Variants in SEMA7A observed in about 807,000 individuals in gnomAD.
The protein encoded by SEMA7A is semaphorin-7A.
A neutral mutation model predicts 67.5 loss-of-function variants in SEMA7A; 21 were observed. The ratio of observed to expected loss-of-function variants is 0.31; its 90% CI spans 0.22 to 0.45. The LOEUF (loss-of-function observed/expected upper bound fraction) is 0.45, where lower values mean the gene tolerates loss of function less well. Among genes scored for constraint, SEMA7A ranks in the 20% least tolerant of loss-of-function variants. The pLI is 1.00. For missense variants in SEMA7A, 774 were observed against 908.6 expected (o/e 0.85, Z 1.90); for synonymous variants, 364 against 368.5 (o/e 0.99, Z 0.14).
rs763297947 is a variant in SEMA7A, at chr15:74,416,648, A to T, written c.728T>A (p.Phe243Tyr). 3.1e-5 allele frequency: 50 copies of T among 1,613,942 alleles called. No individual in the cohort carries two copies. The highest frequency in any genetic ancestry group is 4.1e-5 in the Non-Finnish European group (48 of 1,179,968). ...CTTGTCAGGATTGTCCTCTCGGAAG[A>T]AGTAGTAGATCTTGTCATCGTAAGC... Reference protein sequence around the residue: ...DQAYDDKIYYFFREDNPDKNP... With the variant: ...DQAYDDKIYYYFREDNPDKNP... Residue 243 changes from phenylalanine (F) to tyrosine (Y), a missense_variant, in exon 7 of 14, where the codon TTC becomes TAC. Physicochemically the swap from Phe to Tyr is conservative, Grantham distance 22. Transcript: ENST00000261918.
chr15:74,418,009 C>T (rs929543500), intron 3 of SEMA7A, 40 bp from the exon 4 acceptor site: 6 of 1,599,080 alleles, frequency 3.8e-6, no homozygotes, highest in African/African-American at 2.7e-5. Context: ...AAATTGGTTG[C>T]TGGAAGGCCC....
In SEMA7A at chr15:74,427,253, G is replaced by C. The variant is rs186021173; in HGVS notation, c.178+6488C>G. ...TATGGGGCCCTGAAGGTGAGGACCA[G>C]GCTTCCTCTTGCTCCAAGTCTTCCA... On this transcript the variant is annotated intron_variant, in intron 1 of 13. Coordinates refer to ENST00000261918, the MANE Select transcript of SEMA7A (RefSeq NM_003612.5). The C allele has an allele frequency of 9.8e-5, 97 of 985,424 alleles. No individual in the cohort carries two copies. In the African/African-American group the frequency reaches 1.6e-3, roughly 16 times the overall value. 61.0% of individuals were successfully genotyped at this position (985,424 alleles called of 1,614,324 possible). A position where few individuals can be genotyped will look rare whatever the true frequency, so the allele number is the denominator to read the frequency against.
rs1567073350 is a variant in SEMA7A, at chr15:74,417,372, GC to G, written c.623del (p.Gly208AlafsTer78). On this transcript the variant is annotated frameshift_variant, in exon 6 of 14. Transcript: ENST00000261918. LOFTEE classifies it high-confidence loss of function. ...TATCACTGGTGTACAGCTCACTCTC[GC>G]CCCGGATGCGGCGGAACCGAGGGAT... ...GKIPRFRRIRGESELYTSDTV... is the reference protein window; with the variant it reads ...GKIPRFRRIRXESELYTSDTV... 3.1e-6 allele frequency: 5 copies of G among 1,613,848 alleles called. No homozygotes were observed. Among genetic ancestry groups the G allele is most frequent in the Non-Finnish European group, 1.7e-6 (2 of 1,179,988 alleles).
At position 74,416,724 on chromosome 15, in the gene SEMA7A, A is replaced by G; in HGVS notation, c.662-10T>C. On this transcript the variant is annotated splice_polypyrimidine_tract_variant and intron_variant, in intron 6 of 13. Coordinates refer to ENST00000261918, the MANE Select transcript of SEMA7A (RefSeq NM_003612.5). ...TTGATGAACTGTGGGTCTGCCAGGG[A>G]CAGAGGCGAGTGGGCGTAAGGCTGG... 6.2e-7 allele frequency: 1 copy of G among 1,613,534 alleles called. No homozygotes were observed. The highest frequency in any genetic ancestry group is 1.1e-5 in the South Asian group (1 of 91,042).
chr15:74,411,275 A>T lies in SEMA7A; in HGVS notation c.1639+20T>A, dbSNP rs761372717. 2.5e-6 allele frequency: 4 copies of T among 1,612,326 alleles called. No individual in the cohort carries two copies. In the South Asian group the frequency reaches 4.4e-5, roughly 18 times the overall value. On this transcript the variant is annotated intron_variant, in intron 13 of 13. Transcript: ENST00000261918. This position sits in a 1 kb window ranked among gnomAD's most constrained non-coding sequence, Gnocchi z 4.4. ...CCCCACTCATTGGGCCACAGCCGCC[A>T]GCAGGGCCAGATCAGGTACCTGGTT...
In SEMA7A at chr15:74,411,962, A is replaced by C. The variant is rs1386412057; in HGVS notation, c.1345T>G (p.Phe449Val). Residue 449 changes from phenylalanine to valine, a missense_variant, in exon 11 of 14, where the codon TTC becomes GTC. By Grantham distance (50) the Phe-to-Val change is conservative. This residue lies in a region of SEMA7A where 427 missense variants were observed against 555.4 expected (regional missense o/e 0.77). Transcript: ENST00000261918. The surrounding 1 kb of genome is among the most constrained non-coding windows in gnomAD (Gnocchi z 4.4). ...VVEPGEQEHS[F>V]AFNIMEIQPF... ...TGGATCTCCATGATGTTGAAGGCGA[A>C]GCTGTGCTCCTGCTCCCCCGGTTCC... 5 of 1,613,866 alleles carry C rather than the reference A, an allele frequency of 3.1e-6. No individual in the cohort carries two copies. Among genetic ancestry groups the C allele is most frequent in the Non-Finnish European group, 4.2e-6 (5 of 1,180,022 alleles).
chr15:74,425,455 C>G (rs995186078), intron 1 of SEMA7A, among the ~76,000 whole-genome samples: 12 of 152,126 alleles, frequency 7.9e-5, no homozygotes, highest in African/African-American at 2.9e-4. Context: ...CTTATAACAT[C>G]GTATTCCAGA....
In SEMA7A at chr15:74,414,942, A is replaced by T. The variant is rs2060935075; in HGVS notation, c.991T>A (p.Tyr331Asn). 1 of 1,613,710 alleles carries T rather than the reference A, an allele frequency of 6.2e-7. No individual in the cohort carries two copies. Among genetic ancestry groups the T allele is most frequent in the Non-Finnish European group, 8.5e-7 (1 of 1,179,672 alleles). Residue 331 changes from tyrosine to asparagine, a missense_variant, in exon 9 of 14, where the codon TAC becomes AAC. By Grantham distance (143) the Tyr-to-Asn change is moderately radical (BLOSUM62 -2). Coordinates refer to ENST00000261918, the MANE Select transcript of SEMA7A (RefSeq NM_003612.5). The surrounding 1 kb of genome is among the most constrained non-coding windows in gnomAD (Gnocchi z 4.1). ...AGGGAATACACACAGACGGCTGAGT[A>T]GTTCCTGCAGTGACATGGAGACCAG... The part of the protein sequence containing the change: ...VYGVFSNPWN[Y>N]SAVCVYSLGD...
chr15:74,418,113 G>A (rs2060968220), intron 3 of SEMA7A, 144 bp from the exon 4 acceptor site: 2 of 1,152,538 alleles, frequency 1.7e-6, no homozygotes, highest in African/African-American at 1.5e-5. Flanking sequence ...CCCAGAGTGT[G>A]TGCAGCTGAC....
intron 8 of SEMA7A, 66 bp downstream of exon 8, chr15:74,415,735 A>C: frequency 1.4e-6 from 2 of 1,479,672 alleles, no homozygotes; most frequent in African/African-American, 1.4e-5. Context: ...GCAGGGCCCA[A>C]GGCCTCCTGT....
intron 1 of SEMA7A, among the ~76,000 whole-genome samples, chr15:74,420,392 C>T (rs966524438): frequency 1.3e-5 from 2 of 152,218 alleles, no homozygotes; most frequent in African/African-American, 4.8e-5. Context: ...GACACATTAG[C>T]TTGTCCCAGG....
At chr15:74,419,623 G>T (rs1442791688) in intron 1 of SEMA7A, among the ~76,000 whole-genome samples, 1 of 152,168 alleles carries the variant, frequency 6.6e-6, no homozygotes, top group Non-Finnish European at 1.5e-5. Context: ...GCAGCCCAAG[G>T]GCACACGGAA....
chr15:74,426,956 C>T lies in SEMA7A; in HGVS notation c.178+6785G>A, dbSNP rs28362881. Among the ~76,000 whole-genome samples, 1,261 of 152,266 alleles carry T rather than the reference C, an allele frequency of 8.3e-3. 12 individuals are homozygous for T. Among genetic ancestry groups the T allele is most frequent in the South Asian group, 0.038 (183 of 4,824 alleles). ...GCCCAAAACCTCAGGGCAGGGCAGTCAAGGCCCACCTCATCTCTGCACAGC... is the reference window on the plus strand; with the variant it reads ...GCCCAAAACCTCAGGGCAGGGCAGTTAAGGCCCACCTCATCTCTGCACAGC... On this transcript the variant is annotated intron_variant, in intron 1 of 13. Coordinates refer to ENST00000261918, the MANE Select transcript of SEMA7A (RefSeq NM_003612.5).
At chr15:74,431,104 A>G (rs1018872091) in intron 1 of SEMA7A, among the ~76,000 whole-genome samples, 3 of 152,198 alleles carry the variant, frequency 2.0e-5, no homozygotes, top group African/African-American at 7.2e-5. Flanking sequence ...ACCTCCTGCT[A>G]AGCCCCAGCC....
rs1490435066 is a variant in SEMA7A at position 74,410,330 on chromosome 15, T to C, written c.*294A>G. 2.0e-5 allele frequency: 8 copies of C among 398,104 alleles called. No individual in the cohort carries two copies. Among genetic ancestry groups the C allele is most frequent in the Non-Finnish European group, 3.6e-5 (8 of 224,270 alleles). The allele number at this position is 398,104 out of a possible 1,614,324, so 24.7% of individuals were successfully genotyped here. A position where few individuals can be genotyped will look rare whatever the true frequency, so the allele number is the denominator to read the frequency against. On this transcript the variant is annotated 3_prime_UTR_variant, in exon 14 of 14. Transcript: ENST00000261918. This position sits in a 1 kb window ranked among gnomAD's most constrained non-coding sequence, Gnocchi z 7.5. The stretch of plus-strand genomic sequence containing the variant: ...CTTGGGCTGGGAGCATCGCTGCATT[T>C]AGTCAAGTTTGAGGAGTCTGAAAAA...
rs748799239 is a variant in SEMA7A, at chr15:74,417,442, T to C, written c.554A>G (p.Asp185Gly). The change falls in exon 6 of 14, where the codon GAC becomes GGC. Residue 185 changes from aspartate (D) to glycine (G), a missense_variant. This residue lies in a region of SEMA7A where 347 missense variants were observed against 353.2 expected (regional missense o/e 0.98). Transcript: ENST00000261918. ...CTTCCGGATGGTGGAATACACCTCG[T>C]CCCCTGGGGTCAGTGGGAGGGAGAA... Reference protein sequence around the residue: ...DENSLVLFEGDEVYSTIRKQE... With the variant: ...DENSLVLFEGGEVYSTIRKQE... 4 of 1,613,348 alleles carry C rather than the reference T, an allele frequency of 2.5e-6. No individual in the cohort carries two copies. The highest frequency in any genetic ancestry group is 3.4e-6 in the Non-Finnish European group (4 of 1,179,546).
chr15:74,422,759 C>A (rs576559955), intron 1 of SEMA7A, among the ~76,000 whole-genome samples: 29 of 152,380 alleles, frequency 1.9e-4, no homozygotes, highest in South Asian at 4.1e-4. Flanking sequence ...ACCCCAGCAG[C>A]TGACCGACTG....
At position 74,417,375 on chromosome 15, in the gene SEMA7A, C is replaced by T; in HGVS notation, c.621G>A (p.Arg207=). ...NGKIPRFRRI[R]GESELYTSDT... is the part of the protein sequence containing the mutation. ...CACTGGTGTACAGCTCACTCTCGCC[C>T]CGGATGCGGCGGAACCGAGGGATCT... Residue 207 remains arginine, a synonymous_variant, in exon 6 of 14, where the codon CGG becomes CGA. Transcript: ENST00000261918. 6.2e-7 allele frequency: 1 copy of T among 1,614,046 alleles called. No individual in the cohort carries two copies. Among genetic ancestry groups the T allele is most frequent in the South Asian group, 1.1e-5 (1 of 91,088 alleles).
chr15:74,419,392 G>C (rs372254704), intron 1 of SEMA7A, among the ~76,000 whole-genome samples: 2 of 151,940 alleles, frequency 1.3e-5, no homozygotes, highest in East Asian at 3.9e-4. Flanking sequence ...CCCCAACCCC[G>C]GGCCTTTCAG....
Sources: gnomAD v4.1 joint callset for allele counts (sites outside exome capture counted in the v4.1 genomes callset) on GRCh38, gnomAD v4.1.1 for gene constraint, gnomAD v4.1.1 regional missense constraint, Gnocchi (gnomAD v3.1) non-coding constraint, MANE v1.5 for transcripts, NCBI Gene and HGNC (gene_info 2026-07-23, HGNC 2026-07-21) for gene names.